EPN1: variants seen among roughly 807,000 people sequenced by gnomAD.
EPN1 encodes the protein epsin-1.
In EPN1, 25 loss-of-function variants were observed where a neutral mutation model predicts 56.9. The ratio of observed to expected loss-of-function variants is 0.44; its 90% CI spans 0.32 to 0.61. The LOEUF (loss-of-function observed/expected upper bound fraction) is 0.61, where lower values mean the gene tolerates loss of function less well. Among genes scored for constraint, EPN1 ranks in the 20% least tolerant of loss-of-function variants. The pLI is 0.05. For synonymous variants in EPN1, 411 were observed against 361.8 expected (o/e 1.14, Z -1.54); for missense variants, 785 against 823.7 (o/e 0.95, Z 0.58).
Position 55,699,561 on chromosome 19 carries a change from ATGTTT to A in EPN1, c.*4207_*4211del, listed in dbSNP as rs1987047589. Reference sequence around the variant, plus strand: ...TGGCTGCTTGCTTTTGTAAAAAAAAATGTTTTATTAGAGTGCAGCCACGGCTGCTT... The same window carrying A: ...TGGCTGCTTGCTTTTGTAAAAAAAAATATTAGAGTGCAGCCACGGCTGCTT... On this transcript the variant is annotated 3_prime_UTR_variant, in exon 11 of 11. Coordinates refer to ENST00000270460, the MANE Select transcript of EPN1 (RefSeq NM_001130072.2). The A allele has an allele frequency of 6.6e-6, 1 of 152,112 alleles. No homozygotes were observed. 9.4% of individuals were successfully genotyped at this position (152,112 alleles called of 1,614,324 possible). A position where few individuals can be genotyped will look rare whatever the true frequency, so the allele number is the denominator to read the frequency against.
chr19:55,707,775 C>CT lies in EPN1; in HGVS notation c.*12422dup, dbSNP rs1163476477. 1 of 154,504 alleles carries CT rather than the reference C, an allele frequency of 6.5e-6. No individual in the cohort carries two copies. The highest frequency in any genetic ancestry group is 2.4e-5 in the African/African-American group (1 of 41,552). 9.6% of individuals were successfully genotyped at this position (154,504 alleles called of 1,614,324 possible). On this transcript the variant is annotated 3_prime_UTR_variant, in exon 11 of 11. Coordinates refer to ENST00000270460, the MANE Select transcript of EPN1 (RefSeq NM_001130072.2). ...GGCCGTGGCAAACTCCTTGGTTCTT[C>CT]TTTCCACTGGAATCCCCCACACAAT...
rs375067847 is a variant in EPN1 at position 55,694,765 on chromosome 19, G to C, written c.1304G>C (p.Ser435Thr). ...ELLAGEVPAR[S>T]PGAFDMSGVR... Reference sequence around the variant, plus strand: ...CTGGCAGGAGAGGTGCCGGCCCGAAGCCCTGGGGCGTTTGACATGAGTGGG... The same window carrying C: ...CTGGCAGGAGAGGTGCCGGCCCGAACCCCTGGGGCGTTTGACATGAGTGGG... The change falls in exon 10 of 11, where the codon AGC (serine) becomes ACC (threonine). Residue 435 changes from serine to threonine, a missense_variant. Around this residue, in one of 2 missense-constraint regions of EPN1, gnomAD observed 650 missense variants for 605.0 expected, o/e 1.07. Transcript: ENST00000270460. The surrounding 1 kb of genome is among the most constrained non-coding windows in gnomAD (Gnocchi z 4.2). 17 of 1,601,074 alleles carry C rather than the reference G, an allele frequency of 1.1e-5. No homozygotes were observed. The highest frequency in any genetic ancestry group is 1.4e-5 in the Non-Finnish European group (16 of 1,172,304).
chr19:55,699,868 A>AATGTT lies in EPN1; in HGVS notation c.*4518_*4522dup, dbSNP rs758142697. Reference sequence around the variant, plus strand: ...GTTTTACTTTCAGGGATAATTATATAATGTTATGTTTCATCCACATTATTT... The same window carrying AATGTT: ...GTTTTACTTTCAGGGATAATTATATAATGTTATGTTATGTTTCATCCACATTATTT... On this transcript the variant is annotated 3_prime_UTR_variant, in exon 11 of 11. Coordinates refer to ENST00000270460, the MANE Select transcript of EPN1 (RefSeq NM_001130072.2). The AATGTT allele has an allele frequency of 2.0e-5, 3 of 151,718 alleles. No homozygotes were observed. The highest frequency in any genetic ancestry group is 6.6e-5 in the Admixed American group (1 of 15,226). The allele number at this position is 151,718 out of a possible 1,614,324, so 9.4% of individuals were successfully genotyped here.
intron 8 of EPN1, 23 bp downstream of exon 8, chr19:55,692,819 G>A (rs1381269730): frequency 6.3e-7 from 1 of 1,586,556 alleles, no homozygotes; most frequent in South Asian, 1.1e-5. Context: ...GGGTGGGAAT[G>A]GAGCCCCGGG....
chr19:55,679,893 G>C (rs1379208374), intron 2 of EPN1, among the ~76,000 whole-genome samples: 1 of 152,236 alleles, frequency 6.6e-6, no homozygotes, highest in Non-Finnish European at 1.5e-5. Context: ...TGGAGGTGCA[G>C]GTGAGCCTCT....
At chr19:55,683,918 C>T (rs1463231308) in intron 2 of EPN1, among the ~76,000 whole-genome samples, 3 of 152,140 alleles carry the variant, frequency 2.0e-5, no homozygotes, top group South Asian at 2.1e-4. Context: ...CTCTGCCCAG[C>T]GCGTTCTCTT....
In EPN1 at chr19:55,701,956, A is replaced by ATTTTTTTTTTTT; in HGVS notation, c.*6602_*6603insTTTTTTTTTTTT. 1 of 95,552 alleles carries ATTTTTTTTTTTT rather than the reference A, an allele frequency of 1.0e-5. No individual in the cohort carries two copies. Among genetic ancestry groups the ATTTTTTTTTTTT allele is most frequent in the African/African-American group, 5.6e-5 (1 of 17,792 alleles). The allele number at this position is 95,552 out of a possible 1,614,324, so 5.9% of individuals were successfully genotyped here. On this transcript the variant is annotated 3_prime_UTR_variant, in exon 11 of 11. Coordinates refer to ENST00000270460, the MANE Select transcript of EPN1 (RefSeq NM_001130072.2). Reference sequence around the variant, plus strand: ...CAGAGTCTCTAGCAGCCCCCACCCCATTCTTTTTTTTTTTTTTTTTTTTGA... The same window carrying ATTTTTTTTTTTT: ...CAGAGTCTCTAGCAGCCCCCACCCCATTTTTTTTTTTTTTCTTTTTTTTTTTTTTTTTTTTGA...
Position 55,702,507 on chromosome 19 carries a change from C to G in EPN1, c.*7151C>G, listed in dbSNP as rs1185252908. ...TCTATGTATGTGGCTTGGTGATTACCCAGGAACCTCCCAAGTCTGTGCCCG... is the reference window on the plus strand; with the variant it reads ...TCTATGTATGTGGCTTGGTGATTACGCAGGAACCTCCCAAGTCTGTGCCCG... On this transcript the variant is annotated 3_prime_UTR_variant, in exon 11 of 11. Coordinates refer to ENST00000270460, the MANE Select transcript of EPN1 (RefSeq NM_001130072.2). The G allele has an allele frequency of 1.3e-5, 2 of 152,232 alleles. No individual in the cohort carries two copies. The highest frequency in any genetic ancestry group is 2.1e-4 in the South Asian group (1 of 4,826). 9.4% of individuals were successfully genotyped at this position (152,232 alleles called of 1,614,324 possible).
chr19:55,690,293 C>T (rs939786418), intron 6 of EPN1, among the ~76,000 whole-genome samples: 25 of 152,360 alleles, frequency 1.6e-4, no homozygotes, highest in African/African-American at 6.0e-4. Context: ...GTGCAGGGCT[C>T]GCCCCATCTG....
chr19:55,695,292 C>T lies in EPN1; in HGVS notation c.1667C>T (p.Pro556Leu), dbSNP rs1301629338. 6.3e-7 allele frequency: 1 copy of T among 1,580,954 alleles called. No homozygotes were observed. Among genetic ancestry groups the T allele is most frequent in the Admixed American group, 1.8e-5 (1 of 55,848 alleles). Residue 556 changes from proline (P) to leucine (L), a missense_variant, in exon 11 of 11, where the codon CCT (proline) becomes CTT (leucine). Around this residue, in one of 2 missense-constraint regions of EPN1, gnomAD observed 650 missense variants for 605.0 expected, o/e 1.07. Coordinates refer to ENST00000270460, the MANE Select transcript of EPN1 (RefSeq NM_001130072.2). This position sits in a 1 kb window ranked among gnomAD's most constrained non-coding sequence, Gnocchi z 4.4. ...PTYISPLGGG[P>L]GLPPMMPPGP... The stretch of plus-strand genomic sequence containing the variant: ...TACATCTCTCCCCTTGGCGGGGGCC[C>T]TGGCCTGCCCCCCATGATGCCCCCG...
At position 55,689,389 on chromosome 19, in the gene EPN1, G is replaced by C; in HGVS notation, c.678+18G>C. ...ATGATAAGGTCAGAGCAGCCTCCCT[G>C]TCCCTGCCCCTGCCAGGGGCTCCCC... On this transcript the variant is annotated intron_variant, in intron 5 of 10. Coordinates refer to ENST00000270460, the MANE Select transcript of EPN1 (RefSeq NM_001130072.2). This position sits in a 1 kb window ranked among gnomAD's most constrained non-coding sequence, Gnocchi z 5.7. 6.5e-7 allele frequency: 1 copy of C among 1,548,060 alleles called. No homozygotes were observed. The highest frequency in any genetic ancestry group is 1.2e-5 in the South Asian group (1 of 83,984).
rs2122236014 is a variant in EPN1, at chr19:55,700,422, G to GC, written c.*5068dup. On this transcript the variant is annotated 3_prime_UTR_variant, in exon 11 of 11. Coordinates refer to ENST00000270460, the MANE Select transcript of EPN1 (RefSeq NM_001130072.2). ...GGGACTACAGGTGCGTGCGACCACA[G>GC]CCAACTCATTTTTCTGTTTTTAGCA... 5 of 150,038 alleles carry GC rather than the reference G, an allele frequency of 3.3e-5. No individual in the cohort carries two copies. Among genetic ancestry groups the GC allele is most frequent in the African/African-American group, 1.3e-4 (5 of 39,514 alleles). The allele number at this position is 150,038 out of a possible 1,614,324, so 9.3% of individuals were successfully genotyped here. A position where few individuals can be genotyped will look rare whatever the true frequency, so the allele number is the denominator to read the frequency against.
At position 55,703,569 on chromosome 19, in the gene EPN1, C is replaced by G. The variant is rs1987250919; in HGVS notation, c.*8213C>G. 6.6e-6 allele frequency: 1 copy of G among 152,246 alleles called. No homozygotes were observed. Among genetic ancestry groups the G allele is most frequent in the Admixed American group, 6.5e-5 (1 of 15,270 alleles). 9.4% of individuals were successfully genotyped at this position (152,246 alleles called of 1,614,324 possible). A position where few individuals can be genotyped will look rare whatever the true frequency, so the allele number is the denominator to read the frequency against. On this transcript the variant is annotated 3_prime_UTR_variant, in exon 11 of 11. Transcript: ENST00000270460. ...GAACTCCTGACCTCAGGTGATCCAC[C>G]TGCCTCGGCCCCCCAAAGTACTGGG... is the stretch of plus-strand genomic sequence containing the variant.
In EPN1 at chr19:55,677,825, C is replaced by G. The variant is rs1985543322; in HGVS notation, c.-101-702C>G. On this transcript the variant is annotated intron_variant, in intron 1 of 10. Transcript: ENST00000270460. ...TTTCTGCTGTGGATTCCTGCCCCCT[C>G]TGCCCTTGTTCCAGAGGTCTTTCCT... is the stretch of plus-strand genomic sequence containing the variant. 5 of 1,408,982 alleles carry G rather than the reference C, an allele frequency of 3.5e-6. No individual in the cohort carries two copies. The Admixed American group carries it at 1.6e-4, about 44-fold the overall frequency. The allele number at this position is 1,408,982 out of a possible 1,614,324, so 87.3% of individuals were successfully genotyped here. A position where few individuals can be genotyped will look rare whatever the true frequency, so the allele number is the denominator to read the frequency against.
At chr19:55,679,776 C>T (rs1348964232) in intron 2 of EPN1, among the ~76,000 whole-genome samples, 2 of 152,204 alleles carry the variant, frequency 1.3e-5, no homozygotes, top group Non-Finnish European at 2.9e-5. Flanking sequence ...TTTTCATACC[C>T]ATCCCGACAC....
At chr19:55,678,885 G>A (rs1361161843) in intron 2 of EPN1, 30 bp downstream of exon 2, 2 of 1,526,294 alleles carry the variant, frequency 1.3e-6, no homozygotes, top group African/African-American at 1.4e-5. Context: ...CCCCGGGCAG[G>A]TGCAGGGGCT....
In EPN1 at chr19:55,682,780, G is replaced by A. The variant is rs57834282; in HGVS notation, c.229-2616G>A. ...TTTCTTATTTATTTATTTATGAGAC[G>A]GAGTCTCGCTGTGTTGCCCAGGCTG... On this transcript the variant is annotated intron_variant, in intron 2 of 10. Coordinates refer to ENST00000270460, the MANE Select transcript of EPN1 (RefSeq NM_001130072.2). Among the ~76,000 whole-genome samples the A allele has an allele frequency of 1.1e-3, 165 of 147,984 alleles. 4 individuals carry two copies. In the East Asian group the frequency reaches 0.03, roughly 27 times the overall value.
intron 2 of EPN1, among the ~76,000 whole-genome samples, chr19:55,682,511 C>T (rs566145228): frequency 5.3e-5 from 8 of 152,080 alleles, no homozygotes; most frequent in African/African-American, 1.4e-4. Context: ...CTCTGCCTCC[C>T]GGGCTTAAGC....
chr19:55,691,444 AG>A lies in EPN1; in HGVS notation c.763-309del, dbSNP rs920870551. ...AGTCAGGGCCGGGCAAGGACCTGGG[AG>A]CAGGTGGAGTTAAGGGGCTGCCCTG... On this transcript the variant is annotated intron_variant, in intron 6 of 10. Coordinates refer to ENST00000270460, the MANE Select transcript of EPN1 (RefSeq NM_001130072.2). The surrounding 1 kb of genome is among the most constrained non-coding windows in gnomAD (Gnocchi z 5.6). Among the ~76,000 whole-genome samples, 9 of 150,780 alleles carry A rather than the reference AG, an allele frequency of 6.0e-5. No individual in the cohort carries two copies. Among genetic ancestry groups the A allele is most frequent in the African/African-American group, 2.2e-4 (9 of 40,832 alleles).
Sources: gnomAD v4.1 joint callset for allele counts (sites outside exome capture counted in the v4.1 genomes callset) on GRCh38, gnomAD v4.1.1 for gene constraint, gnomAD v4.1.1 regional missense constraint, Gnocchi (gnomAD v3.1) non-coding constraint, MANE v1.5 for transcripts, NCBI Gene and HGNC (gene_info 2026-07-23, HGNC 2026-07-21) for gene names.